JARID2: variants seen among roughly 807,000 people sequenced by gnomAD.
JARID2 encodes the protein jumonji and AT-rich interaction domain containing 2, also known as protein Jumonji.
JARID2 carries 21 observed loss-of-function variants against 125.6 expected under a neutral mutation model. The ratio of observed to expected loss-of-function variants is 0.17; its 90% confidence interval spans 0.12 to 0.24. JARID2 has a LOEUF of 0.24. Ranked by LOEUF, JARID2 falls within the 10% of genes least tolerant of loss-of-function variation. JARID2 has a pLI of 1.00. For synonymous variants in JARID2, 736 were observed against 661.6 expected, an observed-to-expected ratio of 1.11 and a Z score of -1.73; for missense variants, 1,303 against 1,639.6, an observed-to-expected ratio of 0.79 and a Z score of 3.55.
chr6:15,337,719 C>G (rs1454986711), intron 1 of JARID2, among the ~76,000 whole-genome samples: 1 of 132,118 alleles, frequency 7.6e-6, no homozygotes, highest in East Asian at 2.2e-4. Flanking sequence ...CTCTTTTTTT[C>G]CTTTTCTGAG....
At chr6:15,497,937 C>T (rs1429334989) in intron 7 of JARID2, among the ~76,000 whole-genome samples, 1 of 152,206 alleles carries the variant, frequency 6.6e-6, no homozygotes, top group Non-Finnish European at 1.5e-5. Context: ...AGGGTCCTAC[C>T]TCTATGTGTG....
intron 1 of JARID2, among the ~76,000 whole-genome samples, chr6:15,351,762 G>C (rs970521930): frequency 5.3e-5 from 8 of 152,216 alleles, no homozygotes; most frequent in African/African-American, 1.9e-4. Flanking sequence ...ACACACTTTT[G>C]TGCAGCCTTA....
intron 1 of JARID2, among the ~76,000 whole-genome samples, chr6:15,268,434 T>C (rs549214889): frequency 1.8e-4 from 28 of 152,308 alleles, no homozygotes; most frequent in African/African-American, 6.5e-4. Context: ...TATCCAGTTA[T>C]GGCAGAATGA....
intron 1 of JARID2, among the ~76,000 whole-genome samples, chr6:15,305,542 C>T (rs1259572172): frequency 6.6e-6 from 1 of 152,186 alleles, no homozygotes; most frequent in Non-Finnish European, 1.5e-5. Flanking sequence ...GTTTCTTTCT[C>T]TTCTTGTTTG....
intron 1 of JARID2, among the ~76,000 whole-genome samples, chr6:15,324,899 C>T (rs1762487619): frequency 6.6e-6 from 1 of 150,810 alleles, no homozygotes. Context: ...GTTTTAAACT[C>T]TGAAAGCATT....
chr6:15,475,276 C>CA (rs1312751851), intron 5 of JARID2, among the ~76,000 whole-genome samples: 1 of 152,230 alleles, frequency 6.6e-6, no homozygotes, highest in African/African-American at 2.4e-5. Flanking sequence ...AATAAAAAGG[C>CA]AATCAGGCAC....
chr6:15,332,129 G>A lies in JARID2; in HGVS notation c.46-41988G>A, dbSNP rs563081856. Among the ~76,000 whole-genome samples the A allele has an allele frequency of 1.3e-4, 20 of 152,240 alleles. No individual in the cohort carries two copies. The East Asian group carries it at 3.9e-3, about 30-fold the overall frequency. ...GCCATATGTCAGAGTGAGGAAGGAAGGGTGGGGGGATTAGAATGTGCTAGG... is the reference window on the plus strand; with the variant it reads ...GCCATATGTCAGAGTGAGGAAGGAAAGGTGGGGGGATTAGAATGTGCTAGG... On this transcript the variant is annotated intron_variant, in intron 1 of 17. Transcript: ENST00000341776.
At chr6:15,482,949 C>A (rs1182302984) in intron 5 of JARID2, among the ~76,000 whole-genome samples, 1 of 152,138 alleles carries the variant, frequency 6.6e-6, no homozygotes, top group Admixed American at 6.5e-5. Context: ...AAGGGTACAT[C>A]ATCAAAGAAT....
intron 1 of JARID2, among the ~76,000 whole-genome samples, chr6:15,334,331 G>GC (rs66538903): frequency 0.57 from 87,024 of 152,006 alleles, 25,441 homozygotes; most frequent in Admixed American, 0.68. Context: ...AGGAACATGA[G>GC]CCCTAGAGTT....
chr6:15,405,075 T>C (rs1765594206), intron 2 of JARID2, among the ~76,000 whole-genome samples: 1 of 152,186 alleles, frequency 6.6e-6, no homozygotes, highest in Non-Finnish European at 1.5e-5. Flanking sequence ...TAGAAGTTCC[T>C]TCAGCTAAAG....
At chr6:15,269,283 G>A (rs569259491) in intron 1 of JARID2, among the ~76,000 whole-genome samples, 40 of 152,264 alleles carry the variant, frequency 2.6e-4, no homozygotes, top group South Asian at 8.3e-4. Context: ...TGTTGGGGGG[G>A]GCGGAAAGAA....
intron 5 of JARID2, among the ~76,000 whole-genome samples, chr6:15,475,147 C>T (rs1769279335): frequency 6.6e-6 from 1 of 152,154 alleles, no homozygotes; most frequent in South Asian, 2.1e-4. Context: ...GAGCGGAATT[C>T]CTAGAAATTT....
At chr6:15,428,820 C>G (rs1057439185) in intron 3 of JARID2, among the ~76,000 whole-genome samples, 2 of 151,400 alleles carry the variant, frequency 1.3e-5, no homozygotes, top group East Asian at 3.9e-4. Context: ...GCAGGAGAAT[C>G]GCTGGAACCC....
chr6:15,444,419 C>G (rs1370972646), intron 3 of JARID2, among the ~76,000 whole-genome samples: 1 of 152,142 alleles, frequency 6.6e-6, no homozygotes, highest in Admixed American at 6.5e-5. Context: ...GGTTTGCTCG[C>G]AACCGCACTT....
At chr6:15,305,420 G>A (rs942716759) in intron 1 of JARID2, among the ~76,000 whole-genome samples, 1 of 152,164 alleles carries the variant, frequency 6.6e-6, no homozygotes, top group Non-Finnish European at 1.5e-5. Context: ...GCAGCTGAAT[G>A]CCTTTGGTTG....
At chr6:15,263,219 T>C (rs1759955484) in intron 1 of JARID2, among the ~76,000 whole-genome samples, 1 of 152,044 alleles carries the variant, frequency 6.6e-6, no homozygotes, top group African/African-American at 2.4e-5. Flanking sequence ...CCGTAAACAC[T>C]GGTCACACGT....
intron 3 of JARID2, among the ~76,000 whole-genome samples, chr6:15,441,872 A>C (rs1008229156): frequency 6.6e-6 from 1 of 150,962 alleles, no homozygotes; most frequent in Non-Finnish European, 1.5e-5. Context: ...GCTCACTGCA[A>C]CCTCCACCTC....
At position 15,391,145 on chromosome 6, in the gene JARID2, G is replaced by GCCCC. The variant is rs60993071; in HGVS notation, c.181+16895_181+16898dup. 4.3e-4 allele frequency among the ~76,000 whole-genome samples: 66 copies of GCCCC among 151,888 alleles called. No homozygotes were observed. The East Asian group carries it at 6.8e-3, about 16-fold the overall frequency. ...TAAGGGACGGTTTTCAAGTTGGTTTGCCCCCTTCTAGGTTCTGAATGCCAA... is the reference window on the plus strand; with the variant it reads ...TAAGGGACGGTTTTCAAGTTGGTTTGCCCCCCCCCTTCTAGGTTCTGAATGCCAA... On this transcript the variant is annotated intron_variant, in intron 2 of 17. Transcript: ENST00000341776.
At chr6:15,424,044 T>A (rs1367923467) in intron 3 of JARID2, among the ~76,000 whole-genome samples, 1 of 152,178 alleles carries the variant, frequency 6.6e-6, no homozygotes, top group African/African-American at 2.4e-5. Context: ...CTACTTTCAC[T>A]GCTTAGACAT....
Sources: gnomAD v4.1 joint callset for allele counts (sites outside exome capture counted in the v4.1 genomes callset) on GRCh38, gnomAD v4.1.1 for gene constraint, MANE v1.5 for transcripts, NCBI Gene and HGNC (gene_info 2026-07-23, HGNC 2026-07-21) for gene names.